Variants in MCF2L observed in about 807,000 individuals in gnomAD.
MCF2L encodes the protein guanine nucleotide exchange factor DBS.
MCF2L carries 97 observed loss-of-function variants against 153.4 expected under a neutral mutation model. That is an observed-to-expected ratio of 0.63 (90% CI 0.54 to 0.75). The LOEUF is 0.75. MCF2L is among the 30% of genes least tolerant of loss of function. MCF2L has a pLI of 0.00. For synonymous variants in MCF2L, 659 were observed against 632.2 expected (o/e 1.04, Z -0.64); for missense variants, 1,347 against 1,495.2 (o/e 0.90, Z 1.64).
intron 2 of MCF2L, among the ~76,000 whole-genome samples, chr13:112,930,516 A>G (rs988367864): frequency 6.6e-5 from 10 of 152,324 alleles, no homozygotes; most frequent in African/African-American, 2.4e-5. Flanking sequence ...GACAAAATCC[A>G]TAGTTGCTGA....
intron 7 of MCF2L, among the ~76,000 whole-genome samples, chr13:113,065,841 G>A (rs1035460869): frequency 3.5e-4 from 53 of 152,290 alleles, no homozygotes; most frequent in Middle Eastern, 3.4e-3. Context: ...GCTCTGCCCC[G>A]GGGCACACAG....
intron 1 of MCF2L, among the ~76,000 whole-genome samples, chr13:113,002,676 G>T (rs953914531): frequency 1.4e-4 from 21 of 152,360 alleles, no homozygotes; most frequent in African/African-American, 4.6e-4. Context: ...ACGTGGGGAG[G>T]AAACAGCCTG....
intron 1 of MCF2L, among the ~76,000 whole-genome samples, chr13:113,005,283 C>T (rs1176936468): frequency 2.6e-5 from 4 of 152,338 alleles, no homozygotes; most frequent in East Asian, 3.8e-4. Context: ...GGCAAAGCCA[C>T]GGCCCCACTC....
At chr13:113,057,790 G>A (rs2030432783) in intron 4 of MCF2L, among the ~76,000 whole-genome samples, 1 of 149,092 alleles carries the variant, frequency 6.7e-6, no homozygotes, top group Non-Finnish European at 1.5e-5. Context: ...GTAGCTGCGT[G>A]TTTGCTGTGT....
chr13:112,923,308 G>A (rs9549606), intron 2 of MCF2L, among the ~76,000 whole-genome samples: 2 of 132,544 alleles, frequency 1.5e-5, no homozygotes, highest in African/African-American at 5.7e-5. Context: ...CTGTCACCCA[G>A]GCTGGAGTAC....
chr13:113,001,817 G>C, intron 1 of MCF2L: 2 of 1,452,840 alleles, frequency 1.4e-6, no homozygotes, highest in Non-Finnish European at 9.0e-7. Flanking sequence ...CCCGCTTCGC[G>C]GCCAAGATGG....
At chr13:113,084,867 A>G (rs377164442) in intron 18 of MCF2L, 25 bp from the exon 19 acceptor site, 79 of 1,578,142 alleles carry the variant, frequency 5.0e-5, no homozygotes, top group Non-Finnish European at 6.8e-5. Context: ...TCACTGCGTG[A>G]TGCGGTGCCT....
intron 4 of MCF2L, among the ~76,000 whole-genome samples, chr13:113,050,225 TGA>T (rs1472862459): frequency 6.7e-6 from 1 of 148,868 alleles, no homozygotes; most frequent in Admixed American, 6.6e-5. Flanking sequence ...TGAGACTGTG[TGA>T]GTGTGTGAGT....
In MCF2L at chr13:112,907,869, C is replaced by G. The variant is rs1270236220; in HGVS notation, c.169+5498C>G. Among the ~76,000 whole-genome samples, 3 of 152,192 alleles carry G rather than the reference C, an allele frequency of 2.0e-5. No individual in the cohort carries two copies. The highest frequency in any genetic ancestry group is 7.2e-5 in the African/African-American group (3 of 41,446). ...GGAGAATGAGCACCCACTGCTCCCT[C>G]CACTCATCTTTTCTTTATAGTTCTG... On this transcript the variant is annotated intron_variant, in intron 2 of 29. Transcript: ENST00000375608. This position sits in a 1 kb window ranked among gnomAD's most constrained non-coding sequence, Gnocchi z 5.1.
intron 1 of MCF2L, among the ~76,000 whole-genome samples, chr13:112,980,423 A>G (rs2082367640): frequency 6.6e-6 from 1 of 152,222 alleles, no homozygotes; most frequent in African/African-American, 2.4e-5. Context: ...GGCTGGGGCC[A>G]GCCCCCACCC....
exon 2 of MCF2L, chr13:112,902,242 G>A: frequency 6.2e-7 from 1 of 1,612,852 alleles, no homozygotes; most frequent in Non-Finnish European, 8.5e-7. Context: ...CAAGAGACCT[G>A]GAAGCAACAG....
At position 113,088,343 on chromosome 13, in the gene MCF2L, T is replaced by A; in HGVS notation, c.2705T>A (p.Ile902Asn). The change falls in exon 24 of 30, where the codon ATT becomes AAT. Residue 902 changes from isoleucine to asparagine, a missense_variant. This residue lies in a region of MCF2L where 383 missense variants were observed against 335.4 expected (regional missense o/e 1.14). Transcript: ENST00000535094. Reference sequence around the variant, plus strand: ...GGGAAACAGGCGCCAACTCCTGAGATTAAAGCCGCGTGGGTGAATGAAATT... The same window carrying A: ...GGGAAACAGGCGCCAACTCCTGAGAATAAAGCCGCGTGGGTGAATGAAATT... ...VYIVQAPTPE[I>N]KAAWVNEIRK... 6.2e-7 allele frequency: 1 copy of A among 1,614,020 alleles called. No homozygotes were observed. Among genetic ancestry groups the A allele is most frequent in the East Asian group, 2.2e-5 (1 of 44,886 alleles).
chr13:112,948,215 C>T (rs529755683), intron 2 of MCF2L, among the ~76,000 whole-genome samples: 2 of 152,292 alleles, frequency 1.3e-5, no homozygotes, highest in South Asian at 2.1e-4. Flanking sequence ...TTATGAATAA[C>T]ACCAGGCTTC....
chr13:112,987,063 C>A (rs2140945115), intron 1 of MCF2L, among the ~76,000 whole-genome samples: 1 of 152,298 alleles, frequency 6.6e-6, no homozygotes, highest in South Asian at 2.1e-4. Context: ...TGCCGCATTT[C>A]CATCTCGGTG....
chr13:113,029,294 G>A (rs1446729793), intron 3 of MCF2L, among the ~76,000 whole-genome samples: 1 of 152,204 alleles, frequency 6.6e-6, no homozygotes, highest in Non-Finnish European at 1.5e-5. Context: ...CAGGCGTGCT[G>A]TGGGGACCCC....
chr13:113,000,199 G>T (rs984747746), intron 1 of MCF2L, among the ~76,000 whole-genome samples: 13 of 152,222 alleles, frequency 8.5e-5, no homozygotes, highest in Non-Finnish European at 1.5e-4. Context: ...AGGAGGTCTG[G>T]GTCAATGTGC....
At chr13:112,946,605 G>A (rs2081639588) in intron 2 of MCF2L, among the ~76,000 whole-genome samples, 1 of 152,160 alleles carries the variant, frequency 6.6e-6, no homozygotes. Flanking sequence ...TTTCCTCAAG[G>A]TCATTGTTTT....
At chr13:113,020,926 T>C (rs9577194) in intron 2 of MCF2L, among the ~76,000 whole-genome samples, 29,507 of 151,422 alleles carry the variant, frequency 0.19, 3,092 homozygotes, top group East Asian at 0.29. Context: ...GTATGTGTAG[T>C]GTGTATGCAT....
At chr13:113,084,716 G>A (rs1477873728) in intron 18 of MCF2L, 176 bp from the exon 19 acceptor site, 1 of 613,386 alleles carries the variant, frequency 1.6e-6, no homozygotes, top group African/African-American at 1.8e-5. Context: ...AGCGGAGCCT[G>A]GGAGCCAGTG....
Sources: gnomAD v4.1 joint callset for allele counts (sites outside exome capture counted in the v4.1 genomes callset) on GRCh38, gnomAD v4.1.1 for gene constraint, gnomAD v4.1.1 regional missense constraint, Gnocchi (gnomAD v3.1) non-coding constraint, MANE v1.5 for transcripts, NCBI Gene and HGNC (gene_info 2026-07-23, HGNC 2026-07-21) for gene names.